The following DMGDH variants were observed in gnomAD, a reference collection of about 807,000 sequenced individuals.
DMGDH encodes dimethylglycine dehydrogenase, mitochondrial.
Under a neutral mutation model 95.2 loss-of-function variants are expected in DMGDH, and 76 were observed. The observed-to-expected ratio is 0.80, with a 90% CI of 0.66 to 0.97. The LOEUF is 0.97. DMGDH is among the 50% of genes least tolerant of loss of function. The pLI is 0.00. For missense variants in DMGDH, 987 were observed against 1,055.0 expected (o/e 0.94, Z 0.89); for synonymous variants, 345 against 377.6 (o/e 0.91, Z 1.00).
intron 2 of DMGDH, among the ~76,000 whole-genome samples, chr5:79,060,677 T>A (rs1302278011): frequency 6.6e-6 from 1 of 152,026 alleles, no homozygotes; most frequent in East Asian, 1.9e-4. Flanking sequence ...TCCCAGCACT[T>A]TGGGAGGCCG....
At chr5:79,006,462 A>T (rs1369613245) in intron 14 of DMGDH, among the ~76,000 whole-genome samples, 1 of 152,200 alleles carries the variant, frequency 6.6e-6, no homozygotes, top group East Asian at 1.9e-4. Context: ...GGGAGGGCTG[A>T]CATCCGTGGG....
intron 2 of DMGDH, among the ~76,000 whole-genome samples, chr5:79,058,941 C>T (rs780650354): frequency 5.3e-5 from 8 of 152,168 alleles, no homozygotes; most frequent in South Asian, 2.1e-4. Flanking sequence ...TCAAAAAGTC[C>T]AGTGACTGAT....
intron 6 of DMGDH, among the ~76,000 whole-genome samples, chr5:79,043,767 A>G (rs1754587571): frequency 1.3e-5 from 2 of 152,210 alleles, no homozygotes; most frequent in African/African-American, 2.4e-5. Context: ...AAGAGAAACT[A>G]TAGTATCCCC....
At position 79,033,987 on chromosome 5, in the gene DMGDH, G is replaced by A. The variant is rs1754268683; in HGVS notation, c.1194-579C>T. On this transcript the variant is annotated intron_variant, in intron 7 of 15. Transcript: ENST00000255189. Reference sequence around the variant, plus strand: ...AACAAACAAAATAGCTCTTTATGGGGAAAAGGCTCGGTGATCCTTGACTCC... The same window carrying A: ...AACAAACAAAATAGCTCTTTATGGGAAAAAGGCTCGGTGATCCTTGACTCC... Among the ~76,000 whole-genome samples, 3 of 152,182 alleles carry A rather than the reference G, an allele frequency of 2.0e-5. No individual in the cohort carries two copies. In the South Asian group the frequency reaches 6.2e-4, roughly 32 times the overall value.
chr5:78,998,182 A>T lies in DMGDH; in HGVS notation c.2501T>A (p.Leu834Ter), dbSNP rs1414825322. 2.5e-6 allele frequency: 4 copies of T among 1,614,088 alleles called. No homozygotes were observed. Among genetic ancestry groups the T allele is most frequent in the Non-Finnish European group, 3.4e-6 (4 of 1,180,048 alleles). Residue 834 changes from leucine to a stop codon, truncating the protein, a stop_gained, in exon 16 of 16, where the codon TTA becomes TAA. Coordinates refer to ENST00000255189, the MANE Select transcript of DMGDH (RefSeq NM_013391.3). LOFTEE classifies it high-confidence loss of function. ...EVGQQVEVEL[L>*]GKNYPAVIIQ... Reference sequence around the variant, plus strand: ...GATGACTGCTGGGTAATTTTTGCCTAATAGTTCAACTTCCACTTGCTGTCC... The same window carrying T: ...GATGACTGCTGGGTAATTTTTGCCTTATAGTTCAACTTCCACTTGCTGTCC...
intron 14 of DMGDH, among the ~76,000 whole-genome samples, chr5:79,019,923 G>C (rs1223084161): frequency 6.6e-6 from 1 of 152,132 alleles, no homozygotes; most frequent in Non-Finnish European, 1.5e-5. Context: ...TCGATAGATA[G>C]ATAGATAGTT....
intron 7 of DMGDH, among the ~76,000 whole-genome samples, chr5:79,037,311 G>C (rs1047417804): frequency 6.6e-6 from 1 of 152,166 alleles, no homozygotes; most frequent in African/African-American, 2.4e-5. Context: ...TAACCACATG[G>C]TCAAGACTCT....
chr5:79,037,111 C>T (rs1185027033), intron 7 of DMGDH, among the ~76,000 whole-genome samples: 2 of 152,126 alleles, frequency 1.3e-5, no homozygotes, highest in Admixed American at 1.3e-4. Flanking sequence ...AGAACTCTGC[C>T]ATGACGGCTC....
intron 14 of DMGDH, among the ~76,000 whole-genome samples, chr5:79,018,683 T>C (rs978748286): frequency 6.6e-6 from 1 of 152,144 alleles, no homozygotes; most frequent in Non-Finnish European, 1.5e-5. Context: ...TCAAATACAC[T>C]TAAAATAATA....
chr5:79,059,974 G>A (rs1448551495), intron 2 of DMGDH, among the ~76,000 whole-genome samples: 2 of 152,126 alleles, frequency 1.3e-5, no homozygotes, highest in East Asian at 3.9e-4. Flanking sequence ...TCACAATGGT[G>A]ATATCCTATA....
At chr5:79,040,259 A>C (rs555870653) in intron 7 of DMGDH, among the ~76,000 whole-genome samples, 2 of 152,302 alleles carry the variant, frequency 1.3e-5, no homozygotes, top group African/African-American at 4.8e-5. Flanking sequence ...GTACTAGAGA[A>C]TTGGAGAATT....
intron 6 of DMGDH, 107 bp downstream of exon 6, chr5:79,044,197 G>T: frequency 6.6e-7 from 1 of 1,520,384 alleles, no homozygotes; most frequent in South Asian, 1.1e-5. Flanking sequence ...CCAGGTATCT[G>T]AAAGTCTAGT....
chr5:79,058,738 T>C (rs1349218776), intron 2 of DMGDH, among the ~76,000 whole-genome samples: 1 of 152,196 alleles, frequency 6.6e-6, no homozygotes, highest in Non-Finnish European at 1.5e-5. Context: ...AAATCTTTCT[T>C]GAGATAAATA....
chr5:79,069,526 C>CG lies in DMGDH; in HGVS notation c.94dup (p.Arg32ProfsTer80). The CG allele has an allele frequency of 7.7e-7, 1 of 1,291,956 alleles. No individual in the cohort carries two copies. The highest frequency in any genetic ancestry group is 9.8e-7 in the Non-Finnish European group (1 of 1,021,266). The allele number at this position is 1,291,956 out of a possible 1,614,324, so 80.0% of individuals were successfully genotyped here. On this transcript the variant is annotated frameshift_variant, in exon 1 of 16. Coordinates refer to ENST00000255189, the MANE Select transcript of DMGDH (RefSeq NM_013391.3). LOFTEE classifies it high-confidence loss of function. The stretch of plus-strand genomic sequence containing the variant: ...AGGACGGGGCCCCACTCACCCTTCC[C>CG]GGCCGCAGACAGAGCGCGGGCGCCC...
At chr5:79,027,432 T>C (rs1313395695) in intron 12 of DMGDH, among the ~76,000 whole-genome samples, 3 of 152,210 alleles carry the variant, frequency 2.0e-5, no homozygotes, top group Non-Finnish European at 4.4e-5. Context: ...CTCTGTGTTC[T>C]CCTGTTTCCC....
At chr5:79,000,918 G>A (rs555165447) in intron 15 of DMGDH, 27 of 669,882 alleles carry the variant, frequency 4.0e-5, no homozygotes, top group Non-Finnish European at 6.5e-5. Flanking sequence ...CTGATAGACA[G>A]GTGGAGCTGT....
At chr5:79,024,706 C>A (rs1353832042) in intron 13 of DMGDH, among the ~76,000 whole-genome samples, 1 of 152,172 alleles carries the variant, frequency 6.6e-6, no homozygotes, top group Non-Finnish European at 1.5e-5. Flanking sequence ...ACTTATCTTA[C>A]AATTCACCAA....
intron 1 of DMGDH, among the ~76,000 whole-genome samples, chr5:79,069,265 T>C (rs1436981178): frequency 6.6e-6 from 1 of 152,210 alleles, no homozygotes; most frequent in Non-Finnish European, 1.5e-5. Flanking sequence ...TGCCTATGCG[T>C]AGACTGTCTC....
chr5:79,051,506 C>A lies in DMGDH; in HGVS notation c.541-15G>T, dbSNP rs1434107143. ...CCAGCTAAAACCTAAATCAATCATA[C>A]CAGAGTCAATACTCAAATATATATA... On this transcript the variant is annotated splice_polypyrimidine_tract_variant and intron_variant, in intron 4 of 15. Coordinates refer to ENST00000255189, the MANE Select transcript of DMGDH (RefSeq NM_013391.3). The A allele has an allele frequency of 5.0e-6, 8 of 1,606,900 alleles. No homozygotes were observed. In the East Asian group the frequency reaches 1.8e-4, roughly 36 times the overall value.
Sources: gnomAD v4.1 joint callset for allele counts (sites outside exome capture counted in the v4.1 genomes callset) on GRCh38, gnomAD v4.1.1 for gene constraint, MANE v1.5 for transcripts, NCBI Gene and HGNC (gene_info 2026-07-23, HGNC 2026-07-21) for gene names.